Variants in PCDHGB2 observed in about 807,000 individuals in gnomAD.
The protein encoded by PCDHGB2 is protocadherin gamma subfamily B, 2.
In PCDHGB2, 55 loss-of-function variants were observed where a neutral mutation model predicts 59.3. The ratio of observed to expected loss-of-function variants is 0.93; its 90% CI spans 0.75 to 1.16. PCDHGB2 has a LOEUF of 1.16. PCDHGB2 is among the 50% of genes most tolerant of loss of function. The pLI, the probability that PCDHGB2 is intolerant of heterozygous loss-of-function variation, is 0.00. For synonymous variants in PCDHGB2, 516 were observed against 512.0 expected (o/e 1.01, Z -0.11); for missense variants, 1,228 against 1,198.5 (o/e 1.02, Z -0.36).
At chr5:141,415,026 G>A in intron 1 of PCDHGB2, 1 of 1,613,590 alleles carries the variant, frequency 6.2e-7, no homozygotes, top group Non-Finnish European at 8.5e-7. Flanking sequence ...AGGCCAGCGA[G>A]CCGGGACTCT....
intron 1 of PCDHGB2, among the ~76,000 whole-genome samples, chr5:141,475,442 T>A (rs1007534176): frequency 1.3e-5 from 2 of 152,238 alleles, no homozygotes; most frequent in African/African-American, 4.8e-5. Context: ...TAGCTCCAGA[T>A]AATGAGGAAG....
At chr5:141,418,265 G>A (rs2096242953) in intron 1 of PCDHGB2, 1 of 1,614,062 alleles carries the variant, frequency 6.2e-7, no homozygotes, top group East Asian at 2.2e-5. Context: ...ATTCCGGAAA[G>A]ATGAAATAAA....
At chr5:141,457,820 C>CTCAG (rs2098930320) in intron 1 of PCDHGB2, among the ~76,000 whole-genome samples, 1 of 152,198 alleles carries the variant, frequency 6.6e-6, no homozygotes, top group African/African-American at 2.4e-5. Flanking sequence ...CCAAGATAAA[C>CTCAG]TCAGAGCTTC....
intron 1 of PCDHGB2, among the ~76,000 whole-genome samples, chr5:141,445,332 A>G (rs1364481039): frequency 1.4e-4 from 22 of 152,140 alleles, no homozygotes; most frequent in Admixed American, 1.4e-3. Context: ...CCATCCAGAA[A>G]CAGTAAACAT....
At position 141,375,371 on chromosome 5, in the gene PCDHGB2, C is replaced by A. The variant is rs776202756; in HGVS notation, c.2421+12815C>A. On this transcript the variant is annotated intron_variant, in intron 1 of 3. Coordinates refer to ENST00000522605, the MANE Select transcript of PCDHGB2 (RefSeq NM_018923.3). ...TGTGACAGCCACGGACAAAGGAACA[C>A]CACCTCTGTCTACAGAAACAATCAT... is the stretch of plus-strand genomic sequence containing the variant. 6.2e-7 allele frequency: 1 copy of A among 1,613,880 alleles called. No individual in the cohort carries two copies. The highest frequency in any genetic ancestry group is 1.3e-5 in the African/African-American group (1 of 75,046).
intron 1 of PCDHGB2, chr5:141,399,651 G>A (rs1561671286): frequency 1.2e-6 from 2 of 1,613,738 alleles, no homozygotes; most frequent in Non-Finnish European, 1.7e-6. Flanking sequence ...CGCAAAGTGG[G>A]GTGGTGTTCG....
rs901230493 is a variant in PCDHGB2, at chr5:141,487,514, C to T, written c.2422-7293C>T. 7 of 1,614,150 alleles carry T rather than the reference C, an allele frequency of 4.3e-6. No homozygotes were observed. The highest frequency in any genetic ancestry group is 1.1e-5 in the South Asian group (1 of 91,070). On this transcript the variant is annotated intron_variant, in intron 1 of 3. Transcript: ENST00000522605. The surrounding 1 kb of genome is among the most constrained non-coding windows in gnomAD (Gnocchi z 5.0). Reference sequence around the variant, plus strand: ...TACACCCTTGGCTTCTGCACCCACTCGGAGTGATAGCTTCATGATGGTGAA... The same window carrying T: ...TACACCCTTGGCTTCTGCACCCACTTGGAGTGATAGCTTCATGATGGTGAA...
intron 1 of PCDHGB2, chr5:141,366,505 T>G (rs368019745): frequency 6.2e-7 from 1 of 1,614,136 alleles, no homozygotes; most frequent in African/African-American, 1.3e-5. Context: ...CACGCCTGCT[T>G]CAGGCTGAAG....
intron 1 of PCDHGB2, chr5:141,370,588 A>G (rs766682273): frequency 6.2e-7 from 1 of 1,613,944 alleles, no homozygotes; most frequent in Admixed American, 1.7e-5. Context: ...CCTACTAGGA[A>G]CCTGCGGGTT....
chr5:141,398,736 A>G (rs748665574), intron 1 of PCDHGB2: 1 of 1,613,884 alleles, frequency 6.2e-7, no homozygotes, highest in South Asian at 1.1e-5. Context: ...TAGACCGGGA[A>G]CAACAGAGTT....
chr5:141,466,401 T>A (rs2099122186), intron 1 of PCDHGB2, among the ~76,000 whole-genome samples: 1 of 152,210 alleles, frequency 6.6e-6, no homozygotes, highest in Non-Finnish European at 1.5e-5. Flanking sequence ...TTTGCTCAAC[T>A]TTAATTTTTC....
chr5:141,367,589 A>G (rs1467826707), intron 1 of PCDHGB2: 1 of 152,062 alleles, frequency 6.6e-6, no homozygotes, highest in African/African-American at 2.4e-5. Flanking sequence ...AAAAGTAGAT[A>G]AAATTTATAT....
intron 1 of PCDHGB2, chr5:141,370,475 GGCTCTCTCCGAACCGATCC>G: frequency 6.2e-7 from 1 of 1,613,676 alleles, no homozygotes; most frequent in Non-Finnish European, 8.5e-7. Flanking sequence ...TGTTAGACCA[GGCTCTCTCCGAACCGATCC>G]GCTACGCTAT....
In PCDHGB2 at chr5:141,455,477, C is replaced by T. The variant is rs557286491; in HGVS notation, c.2422-39330C>T. On this transcript the variant is annotated intron_variant, in intron 1 of 3. Coordinates refer to ENST00000522605, the MANE Select transcript of PCDHGB2 (RefSeq NM_018923.3). ...TACCAGCCAGGTATATATGCAGAGG[C>T]TGGTGGAGGTGATGTCTGATTTGCA... Among the ~76,000 whole-genome samples the T allele has an allele frequency of 1.2e-4, 18 of 152,252 alleles. No homozygotes were observed. The South Asian group carries it at 3.7e-3, about 32-fold the overall frequency.
chr5:141,409,156 A>G (rs771600341), intron 1 of PCDHGB2: 1 of 1,613,986 alleles, frequency 6.2e-7, no homozygotes, highest in Non-Finnish European at 8.5e-7. Flanking sequence ...ACACCATGGA[A>G]GTGGAAGCGA....
At chr5:141,372,101 C>T (rs984585015) in intron 1 of PCDHGB2, 8 of 1,613,794 alleles carry the variant, frequency 5.0e-6, no homozygotes, top group Middle Eastern at 1.7e-4. Context: ...CTCTGGGGCC[C>T]GAAGGCTCTG....
chr5:141,375,987 G>A, intron 1 of PCDHGB2: 1 of 1,613,458 alleles, frequency 6.2e-7, no homozygotes, highest in Non-Finnish European at 8.5e-7. Context: ...CTGCTGGACA[G>A]AGACGCGCTC....
chr5:141,375,597 T>C, intron 1 of PCDHGB2: 4 of 1,614,160 alleles, frequency 2.5e-6, no homozygotes, highest in Non-Finnish European at 3.4e-6. Flanking sequence ...TCCTCCTACG[T>C]GTCCATCAAC....
intron 1 of PCDHGB2, among the ~76,000 whole-genome samples, chr5:141,481,731 A>G (rs1339022274): frequency 6.6e-6 from 1 of 152,060 alleles, no homozygotes; most frequent in African/African-American, 2.4e-5. Context: ...AGGCGGGCGG[A>G]TCACGAGGTC....
Sources: allele counts gnomAD v4.1 joint callset (sites outside exome capture counted in the v4.1 genomes callset), GRCh38; gene constraint gnomAD v4.1.1; non-coding constraint Gnocchi (gnomAD v3.1); transcripts MANE v1.5; gene names NCBI Gene and HGNC (gene_info 2026-07-23, HGNC 2026-07-21).